Variants in RARB observed in about 807,000 individuals in gnomAD.
The protein encoded by RARB is HBV-activated protein.
Under a neutral mutation model 51.9 loss-of-function variants are expected in RARB, and 17 were observed. That is an observed-to-expected ratio of 0.33 (90% confidence interval 0.22 to 0.49). The LOEUF (loss-of-function observed/expected upper bound fraction) is 0.49. Ranked by LOEUF, RARB falls within the 20% of genes least tolerant of loss-of-function variation. The pLI is 0.99. For synonymous variants in RARB, 215 were observed against 195.4 expected (o/e 1.10, Z -0.84); for missense variants, 369 against 550.8 (o/e 0.67, Z 3.30).
chr3:25,468,640 A>C (rs543261294), intron 2 of RARB, among the ~76,000 whole-genome samples: 1 of 152,234 alleles, frequency 6.6e-6, no homozygotes, highest in African/African-American at 2.4e-5. Context: ...GGGGTTTCAT[A>C]GGCCACCAAA....
At chr3:24,876,427 T>C (rs571900052) in intron 2 of RARB, among the ~76,000 whole-genome samples, 1 of 152,138 alleles carries the variant, frequency 6.6e-6, no homozygotes, top group Non-Finnish European at 1.5e-5. Flanking sequence ...AATGCAAATA[T>C]TATTATGGGT....
intron 2 of RARB, among the ~76,000 whole-genome samples, chr3:25,059,290 C>A (rs1001709773): frequency 4.6e-5 from 7 of 151,590 alleles, no homozygotes; most frequent in Non-Finnish European, 8.9e-5. Flanking sequence ...TATTTCCTTG[C>A]TTTTAATTAT....
At chr3:25,350,856 T>C (rs775419367) in intron 5 of RARB, among the ~76,000 whole-genome samples, 3 of 152,220 alleles carry the variant, frequency 2.0e-5, no homozygotes, top group Non-Finnish European at 4.4e-5. Flanking sequence ...CTGGGCTGCA[T>C]GTCCCCTTGT....
At chr3:25,421,493 C>T (rs1399183104) in intron 5 of RARB, among the ~76,000 whole-genome samples, 1 of 134,354 alleles carries the variant, frequency 7.4e-6, no homozygotes, top group Admixed American at 8.1e-5. Context: ...CTCACTGCAA[C>T]TTCCACCTCC....
chr3:25,571,628 G>A (rs1700715792), intron 4 of RARB, among the ~76,000 whole-genome samples: 1 of 152,200 alleles, frequency 6.6e-6, no homozygotes, highest in East Asian at 1.9e-4. Flanking sequence ...AGAGAAAGTG[G>A]AATGTGACCC....
chr3:25,440,789 T>C (rs1341199317), intron 1 of RARB, among the ~76,000 whole-genome samples: 3 of 151,646 alleles, frequency 2.0e-5, no homozygotes, highest in Non-Finnish European at 4.4e-5. Context: ...AAATAAAAAA[T>C]TAAAAAAAAA....
At chr3:25,099,305 C>A (rs950505033) in intron 3 of RARB, among the ~76,000 whole-genome samples, 1 of 152,022 alleles carries the variant, frequency 6.6e-6, no homozygotes, top group Non-Finnish European at 1.5e-5. Flanking sequence ...AGAGGAGACA[C>A]AGACTTATTG....
intron 5 of RARB, among the ~76,000 whole-genome samples, chr3:25,225,371 T>C (rs973120593): frequency 2.0e-5 from 3 of 152,146 alleles, no homozygotes; most frequent in Middle Eastern, 3.2e-3. Context: ...AAATAATCTC[T>C]ATGAAAAGGG....
At chr3:24,968,568 A>T (rs1696327728) in intron 2 of RARB, among the ~76,000 whole-genome samples, 1 of 152,038 alleles carries the variant, frequency 6.6e-6, no homozygotes, top group African/African-American at 2.4e-5. Context: ...TTGACAGGTG[A>T]CCTGGAGATT....
Position 25,590,145 on chromosome 3 carries a change from T to G in RARB, c.787-3358T>G, listed in dbSNP as rs543244770. Among the ~76,000 whole-genome samples the G allele has an allele frequency of 2.6e-5, 4 of 152,344 alleles. No individual in the cohort carries two copies. The East Asian group carries it at 7.7e-4, about 29-fold the overall frequency. On this transcript the variant is annotated intron_variant, in intron 5 of 7. Coordinates refer to ENST00000330688, the MANE Select transcript of RARB (RefSeq NM_000965.5). ...CCTCTCTGGATGTACCAGTTGTACT[T>G]GGTTTCGGCTTTGAACTTTCTAGGA...
chr3:25,201,344 G>C (rs1005205626), intron 5 of RARB, among the ~76,000 whole-genome samples: 1 of 152,116 alleles, frequency 6.6e-6, no homozygotes, highest in Non-Finnish European at 1.5e-5. Flanking sequence ...AGACGATGGG[G>C]TTTTCTAGAT....
chr3:24,964,764 T>A (rs1328051251), intron 2 of RARB, among the ~76,000 whole-genome samples: 1 of 152,188 alleles, frequency 6.6e-6, no homozygotes, highest in African/African-American at 2.4e-5. Context: ...ATTGTCTCCT[T>A]GCCAGGCATT....
chr3:25,489,557 C>A (rs975847430), intron 2 of RARB, among the ~76,000 whole-genome samples: 1 of 152,184 alleles, frequency 6.6e-6, no homozygotes, highest in Non-Finnish European at 1.5e-5. Flanking sequence ...TACATCCCTG[C>A]CTGCAAAGGA....
intron 2 of RARB, among the ~76,000 whole-genome samples, chr3:25,489,944 C>A (rs2125591063): frequency 6.6e-6 from 1 of 152,368 alleles, no homozygotes; most frequent in East Asian, 1.9e-4. Context: ...CACAGCTTTT[C>A]CATACAAGGA....
chr3:25,472,549 C>T (rs1264330611), intron 2 of RARB, among the ~76,000 whole-genome samples: 1 of 152,098 alleles, frequency 6.6e-6, no homozygotes, highest in East Asian at 1.9e-4. Flanking sequence ...TAGGTGGAAT[C>T]GATTGTTTCC....
intron 5 of RARB, among the ~76,000 whole-genome samples, chr3:25,287,645 A>T (rs1368974408): frequency 6.6e-6 from 1 of 152,218 alleles, no homozygotes; most frequent in African/African-American, 2.4e-5. Flanking sequence ...GTTTCAAAGA[A>T]TTTAAGGATC....
At chr3:25,547,124 G>A (rs973324307) in intron 3 of RARB, among the ~76,000 whole-genome samples, 5 of 152,146 alleles carry the variant, frequency 3.3e-5, no homozygotes, top group Non-Finnish European at 7.4e-5. Context: ...GGGAGCTTCC[G>A]TGTCATGGAG....
intron 3 of RARB, among the ~76,000 whole-genome samples, chr3:25,083,377 C>T (rs1177207990): frequency 6.6e-6 from 1 of 152,028 alleles, no homozygotes; most frequent in Non-Finnish European, 1.5e-5. Flanking sequence ...TAGATAGCTT[C>T]CTGTCATTCT....
intron 2 of RARB, among the ~76,000 whole-genome samples, chr3:24,876,479 G>C (rs62228445): frequency 0.01 from 1,559 of 152,128 alleles, 9 homozygotes; most frequent in Non-Finnish European, 0.016. Flanking sequence ...GCTTGAAAAA[G>C]AATCAGGTAG....
Sources: allele counts gnomAD v4.1 joint callset (sites outside exome capture counted in the v4.1 genomes callset), GRCh38; gene constraint gnomAD v4.1.1; transcripts MANE v1.5; gene names NCBI Gene and HGNC (gene_info 2026-07-23, HGNC 2026-07-21).